The following TNFAIP8 variants were observed in gnomAD, a reference collection of about 807,000 sequenced individuals.
TNFAIP8 encodes the protein TNF alpha induced protein 8, also known as tumor necrosis factor alpha-induced protein 8.
Under a neutral mutation model 13.3 loss-of-function variants are expected in TNFAIP8, and 7 were observed. The observed-to-expected ratio is 0.52, with a 90% confidence interval of 0.30 to 0.99. The LOEUF is 0.99. TNFAIP8 is among the 50% of genes least tolerant of loss of function. The probability of loss-of-function intolerance (pLI) is 0.07; values close to 1 mark genes in which losing one functional copy is unlikely to be tolerated. For missense variants in TNFAIP8, 258 were observed against 236.9 expected, an observed-to-expected ratio of 1.09 and a Z score of -0.58; for synonymous variants, 94 against 87.6, an observed-to-expected ratio of 1.07 and a Z score of -0.41.
chr5:119,388,342 A>G (rs1173502176), intron 1 of TNFAIP8, among the ~76,000 whole-genome samples: 4 of 152,212 alleles, frequency 2.6e-5, no homozygotes, highest in Non-Finnish European at 4.4e-5. Flanking sequence ...ACAACAAACA[A>G]AAACACCCAC....
Position 119,393,196 on chromosome 5 carries a change from ATGC to A in TNFAIP8, c.416_418del (p.Leu139del). 1 of 1,614,058 alleles carries A rather than the reference ATGC, an allele frequency of 6.2e-7. No individual in the cohort carries two copies. ...CAGGCTGTTAAATGAATGCAGAGAG[ATGC>A]TGCACCAAATCATTCAGCGCCACCT... On this transcript the variant is annotated inframe_deletion, in exon 2 of 2. Transcript: ENST00000504771.
intron 1 of TNFAIP8, among the ~76,000 whole-genome samples, chr5:119,284,838 A>G (rs1486404345): frequency 6.6e-6 from 1 of 152,238 alleles, no homozygotes; most frequent in African/African-American, 2.4e-5. Flanking sequence ...TTTGCTTGTT[A>G]ACAATACCTC....
chr5:119,308,254 G>A (rs552118061), intron 1 of TNFAIP8, among the ~76,000 whole-genome samples: 3 of 152,254 alleles, frequency 2.0e-5, no homozygotes, highest in South Asian at 4.1e-4. Context: ...GAAGTCTGCC[G>A]CCTGTGAACT....
chr5:119,280,900 G>A (rs1460915010), intron 1 of TNFAIP8, among the ~76,000 whole-genome samples: 2 of 149,482 alleles, frequency 1.3e-5, no homozygotes, highest in Non-Finnish European at 3.0e-5. Context: ...GAAGATCACT[G>A]ATTAGGGTTT....
Position 119,395,385 on chromosome 5 carries a change from T to G in TNFAIP8, c.*2004T>G, listed in dbSNP as rs556980728. The G allele has an allele frequency of 6.6e-6, 1 of 152,372 alleles. No homozygotes were observed. Among genetic ancestry groups the G allele is most frequent in the Non-Finnish European group, 1.5e-5 (1 of 68,104 alleles). The allele number at this position is 152,372 out of a possible 1,614,324, so 9.4% of individuals were successfully genotyped here. A position where few individuals can be genotyped will look rare whatever the true frequency, so the allele number is the denominator to read the frequency against. On this transcript the variant is annotated 3_prime_UTR_variant, in exon 2 of 2. Coordinates refer to ENST00000504771, the MANE Select transcript of TNFAIP8 (RefSeq NM_014350.4). ...CTCCAGATCTCAAACAGCAGAGGTA[T>G]GGGAAACGAAAGCCCTGGGCAGTCC...
Position 119,392,760 on chromosome 5 carries a change from T to G in TNFAIP8, c.32-56T>G, listed in dbSNP as rs1752939865. ...CCCAAATACCTGTTTTTAGTTCGCT[T>G]CACTTGCTGATATTTACTAATTGTT... is the stretch of plus-strand genomic sequence containing the variant. On this transcript the variant is annotated intron_variant, in intron 1 of 1. Transcript: ENST00000504771. The G allele has an allele frequency of 2.7e-6, 4 of 1,468,694 alleles. No homozygotes were observed. The South Asian group carries it at 5.7e-5, about 21-fold the overall frequency. 91.0% of individuals were successfully genotyped at this position (1,468,694 alleles called of 1,614,324 possible).
chr5:119,352,123 T>A (rs1435993760), upstream of TNFAIP8, among the ~76,000 whole-genome samples: 1 of 152,094 alleles, frequency 6.6e-6, no homozygotes, highest in African/African-American at 2.4e-5. Flanking sequence ...GAGAGCCAAA[T>A]AACCTGGGCC....
intron 1 of TNFAIP8, among the ~76,000 whole-genome samples, chr5:119,285,578 C>G (rs1328924706): frequency 1.3e-5 from 2 of 152,170 alleles, no homozygotes; most frequent in Non-Finnish European, 2.9e-5. Flanking sequence ...TTTGTGTTCC[C>G]TCTCATTGCT....
At chr5:119,329,786 A>G (rs1044577077) in intron 1 of TNFAIP8, among the ~76,000 whole-genome samples, 2 of 151,646 alleles carry the variant, frequency 1.3e-5, no homozygotes, top group African/African-American at 4.8e-5. Context: ...GCTTAGCAGC[A>G]GGATTTCCCC....
chr5:119,319,944 C>T (rs1436762198), intron 1 of TNFAIP8, among the ~76,000 whole-genome samples: 9 of 152,106 alleles, frequency 5.9e-5, no homozygotes, highest in Non-Finnish European at 1.0e-4. Context: ...AGGCACAGCA[C>T]CAGAACCAGT....
chr5:119,371,601 A>G (rs1196379459), intron 1 of TNFAIP8, among the ~76,000 whole-genome samples: 2 of 103,384 alleles, frequency 1.9e-5, no homozygotes, highest in Non-Finnish European at 3.8e-5. Flanking sequence ...GAATCAAATT[A>G]CACATTCAAA....
intron 1 of TNFAIP8, among the ~76,000 whole-genome samples, chr5:119,272,514 C>G (rs958499402): frequency 1.3e-5 from 2 of 152,194 alleles, no homozygotes; most frequent in African/African-American, 4.8e-5. Context: ...TTGTCTTTCT[C>G]AACAATAAGA....
chr5:119,311,838 G>C (rs576007185), intron 1 of TNFAIP8, among the ~76,000 whole-genome samples: 1 of 152,248 alleles, frequency 6.6e-6, no homozygotes, highest in African/African-American at 2.4e-5. Context: ...CAAAGCTCTG[G>C]TTTATAGAGT....
At chr5:119,293,195 T>C (rs1213753041) in intron 1 of TNFAIP8, among the ~76,000 whole-genome samples, 3 of 152,208 alleles carry the variant, frequency 2.0e-5, no homozygotes, top group Non-Finnish European at 4.4e-5. Context: ...ATCCCTTTTT[T>C]TTCATATGTG....
intron 1 of TNFAIP8, among the ~76,000 whole-genome samples, chr5:119,280,007 C>T (rs941291157): frequency 1.3e-5 from 2 of 152,070 alleles, no homozygotes; most frequent in Admixed American, 1.3e-4. Context: ...CAGTTGGCTA[C>T]TGTGCTGATA....
At chr5:119,340,106 T>C (rs936976511) in intron 1 of TNFAIP8, among the ~76,000 whole-genome samples, 2 of 152,188 alleles carry the variant, frequency 1.3e-5, no homozygotes, top group South Asian at 2.1e-4. Flanking sequence ...AACACCATCT[T>C]GTGGTAAGTC....
At chr5:119,312,939 G>C (rs567747268) in intron 1 of TNFAIP8, among the ~76,000 whole-genome samples, 2 of 152,022 alleles carry the variant, frequency 1.3e-5, no homozygotes, top group Non-Finnish European at 2.9e-5. Flanking sequence ...AGTTCACTAG[G>C]ATAATCTGTA....
chr5:119,270,949 C>G (rs567545459), intron 1 of TNFAIP8, among the ~76,000 whole-genome samples: 7 of 152,150 alleles, frequency 4.6e-5, no homozygotes, highest in African/African-American at 7.2e-5. Flanking sequence ...ACCTTTTGTT[C>G]CAGTGTGTTT....
upstream of TNFAIP8, chr5:119,355,860 C>T (rs939156690): frequency 5.4e-6 from 6 of 1,115,456 alleles, no homozygotes; most frequent in Admixed American, 5.0e-5. Context: ...CGCGCGGCTC[C>T]GGGGGCGGAC....
Sources: allele counts gnomAD v4.1 joint callset (sites outside exome capture counted in the v4.1 genomes callset), GRCh38; gene constraint gnomAD v4.1.1; transcripts MANE v1.5; gene names NCBI Gene and HGNC (gene_info 2026-07-23, HGNC 2026-07-21).